SH3RF3: variants seen among roughly 807,000 people sequenced by gnomAD.
SH3RF3 encodes SH3 domain containing ring finger 3, also known as E3 ubiquitin-protein ligase SH3RF3.
Under a neutral mutation model 66.3 loss-of-function variants are expected in SH3RF3, and 29 were observed. The observed-to-expected ratio is 0.44, with a 90% CI of 0.33 to 0.60. SH3RF3 has a LOEUF of 0.60. SH3RF3 is among the 20% of genes least tolerant of loss of function. The pLI is 0.04. For synonymous variants in SH3RF3, 583 were observed against 532.0 expected, an observed-to-expected ratio of 1.10 and a Z score of -1.32; for missense variants, 1,194 against 1,190.9, an observed-to-expected ratio of 1.00 and a Z score of -0.04.
chr2:109,206,914 G>A, intron 1 of SH3RF3, among the ~76,000 whole-genome samples: 1 of 152,256 alleles, frequency 6.6e-6, no homozygotes, highest in Non-Finnish European at 1.5e-5. Flanking sequence ...ATAAGCTTGT[G>A]TTTGGGATAG....
chr2:109,294,125 C>T (rs1197913088), intron 1 of SH3RF3, among the ~76,000 whole-genome samples: 1 of 152,124 alleles, frequency 6.6e-6, no homozygotes, highest in African/African-American at 2.4e-5. Flanking sequence ...TCCTTGGGCC[C>T]CTCCATGTAA....
chr2:109,257,051 T>G (rs1680237781), intron 1 of SH3RF3, among the ~76,000 whole-genome samples: 1 of 152,158 alleles, frequency 6.6e-6, no homozygotes, highest in African/African-American at 2.4e-5. Flanking sequence ...TGTATGGCAT[T>G]TGAATGTCAT....
Position 109,501,708 on chromosome 2 carries a change from AG to A in SH3RF3, c.*39del, listed in dbSNP as rs1171790301. ...CCCTGCACCCAGCTCACAGAGGGGG[AG>A]GCCGCCTGGGAAGCTCCACGGCACA... On this transcript the variant is annotated 3_prime_UTR_variant, in exon 10 of 10. Transcript: ENST00000309415. 1 of 723,628 alleles carries A rather than the reference AG, an allele frequency of 1.4e-6. No homozygotes were observed. The highest frequency in any genetic ancestry group is 1.9e-5 in the Admixed American group (1 of 51,498). The allele number at this position is 723,628 out of a possible 1,614,324, so 44.8% of individuals were successfully genotyped here. A position where few individuals can be genotyped will look rare whatever the true frequency, so the allele number is the denominator to read the frequency against.
rs1478563886 is a variant in SH3RF3, at chr2:109,449,197, A to G, written c.1856A>G (p.Asp619Gly). 6.2e-7 allele frequency: 1 copy of G among 1,613,600 alleles called. No homozygotes were observed. The highest frequency in any genetic ancestry group is 8.5e-7 in the Non-Finnish European group (1 of 1,179,810). ...TAAHSAAQAQ[D>G]RPTATVSPLR... is the part of the protein sequence containing the mutation. The stretch of plus-strand genomic sequence containing the variant: ...GCCCACTCTGCAGCCCAGGCTCAGG[A>G]CCGGCCAACTGCCACCGTGTCACCC... Residue 619 changes from aspartate to glycine, a missense_variant, in exon 8 of 10, where the codon GAC becomes GGC. By Grantham distance (94) the Asp-to-Gly change is moderately conservative. Transcript: ENST00000309415.
At chr2:109,178,491 A>G (rs1380034023) in intron 1 of SH3RF3, among the ~76,000 whole-genome samples, 1 of 152,208 alleles carries the variant, frequency 6.6e-6, no homozygotes, top group Non-Finnish European at 1.5e-5. Context: ...GATAGTTTAT[A>G]TTCTCTAACT....
At chr2:109,227,751 A>G (rs1325237082) in intron 1 of SH3RF3, among the ~76,000 whole-genome samples, 2 of 152,170 alleles carry the variant, frequency 1.3e-5, no homozygotes, top group South Asian at 2.1e-4. Flanking sequence ...TTCGGGTCCA[A>G]CGCAAGTTCT....
intron 1 of SH3RF3, among the ~76,000 whole-genome samples, chr2:109,315,195 C>G (rs1270615789): frequency 6.6e-6 from 1 of 152,172 alleles, no homozygotes; most frequent in Non-Finnish European, 1.5e-5. Context: ...CTCTGGGTCC[C>G]CCTTGTCAAG....
chr2:109,501,231 T>TGAAACAAG (rs1679376980), intron 9 of SH3RF3, among the ~76,000 whole-genome samples: 1 of 152,014 alleles, frequency 6.6e-6, no homozygotes, highest in Non-Finnish European at 1.5e-5. Flanking sequence ...TGTGCTTGGG[T>TGAAACAAG]GGAGAATCTT....
intron 2 of SH3RF3, among the ~76,000 whole-genome samples, chr2:109,352,620 T>C (rs113534158): frequency 2.6e-5 from 4 of 152,372 alleles, no homozygotes; most frequent in African/African-American, 9.6e-5. Context: ...TCTCCCTTCC[T>C]GGGCACCCCG....
At chr2:109,283,376 ACTGCG>A (rs1680941274) in intron 1 of SH3RF3, among the ~76,000 whole-genome samples, 7 of 152,062 alleles carry the variant, frequency 4.6e-5, no homozygotes, top group Admixed American at 4.6e-4. Context: ...GCCTCACCTC[ACTGCG>A]TTGAAATTGA....
intron 9 of SH3RF3, among the ~76,000 whole-genome samples, chr2:109,498,106 C>A (rs889440796): frequency 5.3e-5 from 8 of 152,188 alleles, no homozygotes; most frequent in Non-Finnish European, 1.0e-4. Context: ...GAAGCCCTCA[C>A]AGAGACGCTG....
At chr2:109,484,530 A>G (rs1678919230) in intron 8 of SH3RF3, among the ~76,000 whole-genome samples, 1 of 152,100 alleles carries the variant, frequency 6.6e-6, no homozygotes, top group Admixed American at 6.5e-5. Context: ...ATATCAGCCC[A>G]GCTCTTGAGG....
At chr2:109,312,457 G>C (rs1681752859) in intron 1 of SH3RF3, among the ~76,000 whole-genome samples, 2 of 152,166 alleles carry the variant, frequency 1.3e-5, no homozygotes, top group East Asian at 3.9e-4. Context: ...GCACTGTCTA[G>C]TTCCAGAAGT....
intron 1 of SH3RF3, among the ~76,000 whole-genome samples, chr2:109,237,365 C>T (rs1455731212): frequency 6.6e-6 from 1 of 152,122 alleles, no homozygotes; most frequent in Non-Finnish European, 1.5e-5. Flanking sequence ...TGTTGTTTCT[C>T]AGCTTTCAAA....
At position 109,203,026 on chromosome 2, in the gene SH3RF3, C is replaced by T. The variant is rs139972510; in HGVS notation, c.573+72913C>T. Among the ~76,000 whole-genome samples, 401 of 152,300 alleles carry T rather than the reference C, an allele frequency of 2.6e-3. 2 individuals are homozygous for T. The highest frequency in any genetic ancestry group is 9.3e-3 in the African/African-American group (386 of 41,556). ...TTGGGCCTGAGGATACTGGCCTGGC[C>T]ATGGTCCTACAGTGATTGGAGGGGA... On this transcript the variant is annotated intron_variant, in intron 1 of 9. Coordinates refer to ENST00000309415, the MANE Select transcript of SH3RF3 (RefSeq NM_001099289.3).
chr2:109,306,594 A>G (rs555218459), intron 1 of SH3RF3, among the ~76,000 whole-genome samples: 9 of 152,314 alleles, frequency 5.9e-5, no homozygotes, highest in African/African-American at 2.2e-4. Flanking sequence ...AGGAAGCTAC[A>G]TGCCATGGCC....
chr2:109,399,513 T>C (rs1676246568), intron 4 of SH3RF3, among the ~76,000 whole-genome samples: 1 of 152,104 alleles, frequency 6.6e-6, no homozygotes, highest in African/African-American at 2.4e-5. Context: ...CAGTGGCTCA[T>C]GCCTGTAATC....
chr2:109,185,597 T>C (rs934290), intron 1 of SH3RF3, among the ~76,000 whole-genome samples: 124,540 of 152,050 alleles, frequency 0.82, 51,140 homozygotes, highest in East Asian at 0.89. Context: ...TTTCCTGCCT[T>C]TGGGGTTGGC....
intron 1 of SH3RF3, among the ~76,000 whole-genome samples, chr2:109,336,065 C>T (rs184511772): frequency 2.0e-5 from 3 of 152,190 alleles, no homozygotes; most frequent in African/African-American, 7.2e-5. Context: ...GCATTCCTCT[C>T]CCTACATTTT....
Sources: gnomAD v4.1 joint callset for allele counts (sites outside exome capture counted in the v4.1 genomes callset) on GRCh38, gnomAD v4.1.1 for gene constraint, MANE v1.5 for transcripts, NCBI Gene and HGNC (gene_info 2026-07-23, HGNC 2026-07-21) for gene names.